The following SF3B2 variants were observed in gnomAD, a reference collection of about 807,000 sequenced individuals.
SF3B2 encodes the protein SAP 145.
Under a neutral mutation model 116.3 loss-of-function variants are expected in SF3B2, and 22 were observed. The observed-to-expected ratio is 0.19, with a 90% CI of 0.14 to 0.27. The LOEUF is 0.27. SF3B2 is among the 10% of genes least tolerant of loss of function. The pLI is 1.00. For missense variants in SF3B2, 767 were observed against 1,151.4 expected (o/e 0.67, Z 4.83); for synonymous variants, 406 against 421.6 (o/e 0.96, Z 0.45).
rs1263290024 is a variant in SF3B2 at position 66,053,082 on chromosome 11, C to T, written c.236C>T (p.Ala79Val). The part of the protein sequence containing the change: ...VLRGEDGDKA[A>V]PPPMSAQLPG... Reference sequence around the variant, plus strand: ...AGAGGGGAAGATGGGGACAAAGCCGCTCCACCTCCCATGTCGGCACAGGTA... The same window carrying T: ...AGAGGGGAAGATGGGGACAAAGCCGTTCCACCTCCCATGTCGGCACAGGTA... Residue 79 changes from alanine (A) to valine (V), a missense_variant, in exon 3 of 22, where the codon GCT becomes GTT. Physicochemically the swap from Ala to Val is moderately conservative, Grantham distance 64. Coordinates refer to ENST00000322535, the MANE Select transcript of SF3B2 (RefSeq NM_006842.3). 3 of 1,614,004 alleles carry T rather than the reference C, an allele frequency of 1.9e-6. No homozygotes were observed. The highest frequency in any genetic ancestry group is 1.3e-5 in the African/African-American group (1 of 74,894).
chr11:66,059,263 C>T lies in SF3B2; in HGVS notation c.1245C>T (p.Asn415=), dbSNP rs759012410. 8.7e-6 allele frequency: 14 copies of T among 1,613,904 alleles called. No homozygotes were observed. Among genetic ancestry groups the T allele is most frequent in the Non-Finnish European group, 1.2e-5 (14 of 1,179,996 alleles). The change falls in exon 11 of 22, where the codon AAC becomes AAT. Residue 415 remains asparagine, a synonymous_variant. Transcript: ENST00000322535. The surrounding 1 kb of genome is among the most constrained non-coding windows in gnomAD (Gnocchi z 5.0). ...CAGAGAAACTTGACAAACTGGAGAA[C>T]TCTGCAGCCCCCAAGAAGAAGGGAT... is the stretch of plus-strand genomic sequence containing the variant. The part of the protein sequence containing the change: ...KEPEKLDKLE[N]SAAPKKKGFE...
Position 66,059,079 on chromosome 11 carries a change from C to A in SF3B2, c.1182+34C>A. 6.2e-7 allele frequency: 1 copy of A among 1,609,118 alleles called. No individual in the cohort carries two copies. The highest frequency in any genetic ancestry group is 8.5e-7 in the Non-Finnish European group (1 of 1,176,034). The stretch of plus-strand genomic sequence containing the variant: ...AGAGCACACTAGGAAGGGGCAGTGC[C>A]AAACAGGGAAGGGGCTCAGAGGTGG... On this transcript the variant is annotated intron_variant, in intron 10 of 21. Coordinates refer to ENST00000322535, the MANE Select transcript of SF3B2 (RefSeq NM_006842.3). The surrounding 1 kb of genome is among the most constrained non-coding windows in gnomAD (Gnocchi z 5.0).
chr11:66,062,337 A>G (rs1857112679), intron 16 of SF3B2, among the ~76,000 whole-genome samples: 1 of 152,122 alleles, frequency 6.6e-6, no homozygotes, highest in Non-Finnish European at 1.5e-5. Context: ...ATGACCAGAG[A>G]GAAATAATTT....
chr11:66,057,434 T>G, intron 7 of SF3B2, 59 bp downstream of exon 7: 1 of 868,236 alleles, frequency 1.2e-6, no homozygotes, highest in South Asian at 1.4e-5. Context: ...TGGGACTATT[T>G]TTGGATTTTT....
intron 3 of SF3B2, chr11:66,053,439 G>C (rs913277467): frequency 6.4e-6 from 2 of 314,336 alleles, no homozygotes; most frequent in Non-Finnish European, 1.2e-5. Flanking sequence ...ACCACTTCGG[G>C]ATGCTTAGAT....
At position 66,052,698 on chromosome 11, in the gene SF3B2, G is replaced by T. The variant is rs147409647; in HGVS notation, c.159G>T (p.Arg53=). Residue 53 remains arginine (R), a synonymous_variant, in exon 2 of 22, where the codon CGG becomes CGT. Coordinates refer to ENST00000322535, the MANE Select transcript of SF3B2 (RefSeq NM_006842.3). ...IQGNREELVE[R]LQSYTRQTGI... is the part of the protein sequence containing the mutation. ...GTAATCGCGAGGAGCTGGTGGAGCG[G>T]CTGCAGAGCTACACCCGCCAGGTAG... 42 of 1,585,524 alleles carry T rather than the reference G, an allele frequency of 2.6e-5. No individual in the cohort carries two copies. The highest frequency in any genetic ancestry group is 1.5e-4 in the Admixed American group (8 of 53,630).
Position 66,055,135 on chromosome 11 carries a change from G to A in SF3B2, c.318G>A (p.Pro106=), listed in dbSNP as rs756928979. 10 of 1,219,382 alleles carry A rather than the reference G, an allele frequency of 8.2e-6. No homozygotes were observed. The African/African-American group carries it at 1.1e-4, about 13-fold the overall frequency. 75.5% of individuals were successfully genotyped at this position (1,219,382 alleles called of 1,614,324 possible). Reference sequence around the variant, plus strand: ...GACTCCCCCCTCTGCAGCCTCCTCCGCCACCCCCACCACCTCCACCAGGCC... The same window carrying A: ...GACTCCCCCCTCTGCAGCCTCCTCCACCACCCCCACCACCTCCACCAGGCC... ...PLGLPPLQPP[P]PPPPPPPGLG... is the part of the protein sequence containing the mutation. The change falls in exon 4 of 22, where the codon CCG becomes CCA. Residue 106 remains proline, a synonymous_variant. Transcript: ENST00000322535.
chr11:66,053,167 G>A, intron 3 of SF3B2, 63 bp downstream of exon 3: 1 of 1,461,486 alleles, frequency 6.8e-7, no homozygotes, highest in Non-Finnish European at 9.6e-7. Context: ...TCATGAGCAT[G>A]ATGATTGGGT....
At position 66,059,686 on chromosome 11, in the gene SF3B2, G is replaced by T. The variant is rs1857068642; in HGVS notation, c.1401+91G>T. The T allele has an allele frequency of 1.3e-6, 2 of 1,588,978 alleles. No homozygotes were observed. Among genetic ancestry groups the T allele is most frequent in the Non-Finnish European group, 1.7e-6 (2 of 1,157,610 alleles). On this transcript the variant is annotated intron_variant, in intron 12 of 21. Transcript: ENST00000322535. This position sits in a 1 kb window ranked among gnomAD's most constrained non-coding sequence, Gnocchi z 5.0. ...GGTGAAAAGGAGTTCTTTGAAGGAG[G>T]TGTGGGTGATTTGGGTTTGGGTCCT...
At chr11:66,052,780 C>A in intron 2 of SF3B2, 61 bp downstream of exon 2, 1 of 1,496,104 alleles carries the variant, frequency 6.7e-7, no homozygotes, top group Non-Finnish European at 9.0e-7. Context: ...CTTATATACC[C>A]CATCACGGCT....
chr11:66,069,114 C>G lies in SF3B2; in HGVS notation c.*369C>G, dbSNP rs1455324638. ...GTAGGAAGGCTTGGGGGAAGTACCT[C>G]TAGGTCTGGTTTGACCTTACTACTT... On this transcript the variant is annotated 3_prime_UTR_variant, in exon 22 of 22. Transcript: ENST00000322535. 2.8e-6 allele frequency: 1 copy of G among 363,210 alleles called. No homozygotes were observed. The highest frequency in any genetic ancestry group is 5.4e-6 in the Non-Finnish European group (1 of 184,956). 22.5% of individuals were successfully genotyped at this position (363,210 alleles called of 1,614,324 possible).
chr11:66,059,116 C>A lies in SF3B2; in HGVS notation c.1182+71C>A. 1.2e-6 allele frequency: 2 copies of A among 1,605,982 alleles called. No individual in the cohort carries two copies. Among genetic ancestry groups the A allele is most frequent in the Non-Finnish European group, 1.7e-6 (2 of 1,174,236 alleles). ...GGGCTCAGAGGTGGGTGAGAGGCAG[C>A]GGTGAACAGGCATCTTTTAGTGCTG... On this transcript the variant is annotated intron_variant, in intron 10 of 21. Transcript: ENST00000322535. This position sits in a 1 kb window ranked among gnomAD's most constrained non-coding sequence, Gnocchi z 5.0.
chr11:66,067,632 T>C, intron 19 of SF3B2: 4 of 476,590 alleles, frequency 8.4e-6, no homozygotes, highest in Non-Finnish European at 1.6e-5. Flanking sequence ...AGCTTCTCTG[T>C]ACCAAAGTTC....
intron 15 of SF3B2, 39 bp from the exon 16 acceptor site, chr11:66,061,852 G>C: frequency 6.2e-7 from 1 of 1,604,914 alleles, no homozygotes; most frequent in Non-Finnish European, 8.5e-7. Context: ...GACAGGGATA[G>C]GGTTTGGCAG....
At chr11:66,058,214 C>T in intron 8 of SF3B2, 64 bp downstream of exon 8, 2 of 1,573,750 alleles carry the variant, frequency 1.3e-6, no homozygotes, top group South Asian at 1.1e-5. Flanking sequence ...GAGTCCTCAT[C>T]CCTCTGTCCC....
At chr11:66,066,211 C>CTA (rs1356064517) in intron 19 of SF3B2, 1 of 152,164 alleles carries the variant, frequency 6.6e-6, no homozygotes, top group Non-Finnish European at 1.5e-5. Context: ...CTAACTCTAA[C>CTA]ATCTGTGCCA....
Position 66,053,098 on chromosome 11 carries a change from G to T in SF3B2, c.252G>T (p.Ser84=), listed in dbSNP as rs780906740. The T allele has an allele frequency of 2.5e-6, 4 of 1,613,676 alleles. No individual in the cohort carries two copies. In the Admixed American group the frequency reaches 5.0e-5, roughly 20 times the overall value. Residue 84 remains serine (S), a synonymous_variant, in exon 3 of 22, where the codon TCG becomes TCT. Transcript: ENST00000322535. ...ACAAAGCCGCTCCACCTCCCATGTC[G>T]GCACAGGTAGGGAGATTCTTCTGTT... ...DGDKAAPPPM[S]AQLPGIPMPP...
At chr11:66,064,549 T>C (rs934393749) in intron 19 of SF3B2, 5 of 152,258 alleles carry the variant, frequency 3.3e-5, no homozygotes, top group South Asian at 4.1e-4. Flanking sequence ...AGTTATCTTT[T>C]AGGGAGGTTT....
chr11:66,059,633 G>T lies in SF3B2; in HGVS notation c.1401+38G>T. ...AGGATCCTGCAGGCCCTGGAGCCCA[G>T]CTGGGAGACCACCTGGGGAGCCAGG... On this transcript the variant is annotated intron_variant, in intron 12 of 21. Transcript: ENST00000322535. The surrounding 1 kb of genome is among the most constrained non-coding windows in gnomAD (Gnocchi z 5.0). 1.2e-6 allele frequency: 2 copies of T among 1,607,274 alleles called. No homozygotes were observed. Among genetic ancestry groups the T allele is most frequent in the African/African-American group, 1.3e-5 (1 of 74,848 alleles).
Sources: gnomAD v4.1 joint callset for allele counts (sites outside exome capture counted in the v4.1 genomes callset) on GRCh38, gnomAD v4.1.1 for gene constraint, Gnocchi (gnomAD v3.1) non-coding constraint, MANE v1.5 for transcripts, NCBI Gene and HGNC (gene_info 2026-07-23, HGNC 2026-07-21) for gene names.